Variants in ELAPOR2 observed in about 807,000 individuals in gnomAD.
The protein encoded by ELAPOR2 is endosome/lysosome-associated apoptosis and autophagy regulator family member 2.
In ELAPOR2, 89 loss-of-function variants were observed where a neutral mutation model predicts 120.7. The ratio of observed to expected loss-of-function variants is 0.74; its 90% CI spans 0.62 to 0.88. The LOEUF (loss-of-function observed/expected upper bound fraction) is 0.88, where lower values mean the gene tolerates loss of function less well. Ranked by LOEUF, ELAPOR2 falls within the 40% of genes least tolerant of loss-of-function variation. The pLI, the probability that ELAPOR2 is intolerant of heterozygous loss-of-function variation, is 0.00. For synonymous variants in ELAPOR2, 444 were observed against 444.9 expected (o/e 1.00, Z 0.03); for missense variants, 1,134 against 1,251.6 (o/e 0.91, Z 1.42).
chr7:86,918,387 T>C, intron 12 of ELAPOR2, 55 bp downstream of exon 12: 1 of 927,690 alleles, frequency 1.1e-6, no homozygotes, highest in Non-Finnish European at 1.7e-6. Flanking sequence ...AATTTACACT[T>C]GAAGGAGAAT....
At chr7:86,881,598 C>T (rs190610584) in intron 21 of ELAPOR2, among the ~76,000 whole-genome samples, 6 of 152,092 alleles carry the variant, frequency 3.9e-5, no homozygotes, top group African/African-American at 7.2e-5. Context: ...CCTCGTGATC[C>T]GCCCACCTCG....
At chr7:86,892,802 A>T in intron 20 of ELAPOR2, 120 bp downstream of exon 20, 1 of 883,172 alleles carries the variant, frequency 1.1e-6, no homozygotes, top group East Asian at 3.2e-5. Context: ...ATTTCTTCGC[A>T]AGGAGAAAAT....
In ELAPOR2 at chr7:86,964,953, A is replaced by G. The variant is rs1221758953; in HGVS notation, c.261T>C (p.Ser87=). 3.2e-6 allele frequency: 5 copies of G among 1,551,494 alleles called. No homozygotes were observed. In the East Asian group the frequency reaches 1.2e-4, roughly 38 times the overall value. Residue 87 remains serine (S), a synonymous_variant, in exon 2 of 22, where the codon TCT becomes TCC. Transcript: ENST00000450689. ...CAGGCAGGCCAGAGCAGTCCACTGCAGAATTTGGAATGGCAACTCTCCACC... is the reference window on the plus strand; with the variant it reads ...CAGGCAGGCCAGAGCAGTCCACTGCGGAATTTGGAATGGCAACTCTCCACC... ...GSRWRVAIPN[S]AVDCSGLPDP... is the part of the protein sequence containing the mutation.
intron 2 of ELAPOR2, among the ~76,000 whole-genome samples, chr7:86,950,232 C>G (rs1355563947): frequency 6.6e-6 from 1 of 152,238 alleles, no homozygotes; most frequent in Non-Finnish European, 1.5e-5. Flanking sequence ...TCCTCTTCAC[C>G]TTGCTCACCC....
At position 87,052,870 on chromosome 7, in the gene ELAPOR2, C is replaced by A. The variant is rs150816317; in HGVS notation, c.189+6455G>T. Among the ~76,000 whole-genome samples the A allele has an allele frequency of 1.6e-3, 248 of 152,178 alleles. 2 individuals are homozygous for A. The highest frequency in any genetic ancestry group is 5.8e-3 in the African/African-American group (241 of 41,522). ...GGAGTGCAGTGGCACAATCACAGCT[C>A]CCTGCAGCCTCAACCTCCCAGGTTC... On this transcript the variant is annotated intron_variant, in intron 1 of 21. Coordinates refer to ENST00000450689, the MANE Select transcript of ELAPOR2 (RefSeq NM_001142749.3).
chr7:87,008,331 C>T (rs562618911), intron 1 of ELAPOR2, among the ~76,000 whole-genome samples: 1 of 152,180 alleles, frequency 6.6e-6, no homozygotes, highest in South Asian at 2.1e-4. Flanking sequence ...AAGAACTATT[C>T]CAGACTAAAG....
At chr7:86,924,341 TAA>T (rs1789960831) in intron 10 of ELAPOR2, among the ~76,000 whole-genome samples, 1 of 150,912 alleles carries the variant, frequency 6.6e-6, no homozygotes, top group Admixed American at 6.6e-5. Context: ...AAGATCCAAT[TAA>T]AGTTTCAGGT....
At chr7:87,039,691 T>C (rs1584029887) in intron 1 of ELAPOR2, among the ~76,000 whole-genome samples, 1 of 152,282 alleles carries the variant, frequency 6.6e-6, no homozygotes, top group East Asian at 1.9e-4. Context: ...AAAAAGCATT[T>C]AATAAATTTC....
At chr7:86,886,498 T>C (rs1243102032) in intron 21 of ELAPOR2, among the ~76,000 whole-genome samples, 3 of 152,134 alleles carry the variant, frequency 2.0e-5, no homozygotes, top group African/African-American at 7.2e-5. Context: ...GAGGTACCCT[T>C]TGAGGTTTTA....
chr7:86,940,112 T>G lies in ELAPOR2; in HGVS notation c.745A>C (p.Met249Leu), dbSNP rs1790743364. 1 of 1,606,662 alleles carries G rather than the reference T, an allele frequency of 6.2e-7. No homozygotes were observed. The highest frequency in any genetic ancestry group is 2.2e-5 in the East Asian group (1 of 44,756). The part of the protein sequence containing the change: ...DNGEWGSHSV[M>L]LKSGTNILYW... ...AGTATGTTTGTGCCTGATTTCAGCA[T>G]TACCTATAAAGAGAAACATAAAGGC... Residue 249 changes from methionine (M) to leucine (L), a missense_variant, in exon 6 of 22, where the codon ATG (methionine) becomes CTG (leucine). Around this residue, in one of 3 missense-constraint regions of ELAPOR2, gnomAD observed 280 missense variants for 331.5 expected, o/e 0.84. Transcript: ENST00000450689.
chr7:87,021,997 T>C (rs561455320), intron 1 of ELAPOR2, among the ~76,000 whole-genome samples: 6 of 152,288 alleles, frequency 3.9e-5, no homozygotes, highest in African/African-American at 1.4e-4. Context: ...CTGTGGAATA[T>C]GATCATTTTC....
At position 87,013,294 on chromosome 7, in the gene ELAPOR2, C is replaced by T. The variant is rs995953771; in HGVS notation, c.189+46031G>A. Among the ~76,000 whole-genome samples the T allele has an allele frequency of 2.0e-5, 3 of 151,900 alleles. No individual in the cohort carries two copies. In the South Asian group the frequency reaches 6.2e-4, roughly 32 times the overall value. Reference sequence around the variant, plus strand: ...ACTATAAATCATCTCATACATACATCGGGGTAAAAAATGTTAACAAATACC... The same window carrying T: ...ACTATAAATCATCTCATACATACATTGGGGTAAAAAATGTTAACAAATACC... On this transcript the variant is annotated intron_variant, in intron 1 of 21. Coordinates refer to ENST00000450689, the MANE Select transcript of ELAPOR2 (RefSeq NM_001142749.3).
At chr7:86,906,751 G>T (rs1220944162) in intron 18 of ELAPOR2, among the ~76,000 whole-genome samples, 1 of 152,084 alleles carries the variant, frequency 6.6e-6, no homozygotes, top group Non-Finnish European at 1.5e-5. Context: ...TAATCTGGCT[G>T]GGTGCAATGG....
intron 1 of ELAPOR2, among the ~76,000 whole-genome samples, chr7:87,024,270 T>C (rs1256539169): frequency 2.6e-5 from 4 of 152,212 alleles, no homozygotes; most frequent in Non-Finnish European, 5.9e-5. Context: ...GTTTTTAGCA[T>C]GAAGCGTTGT....
intron 2 of ELAPOR2, among the ~76,000 whole-genome samples, chr7:86,964,042 C>T (rs1791815821): frequency 1.3e-5 from 2 of 152,174 alleles, no homozygotes; most frequent in Admixed American, 1.3e-4. Context: ...CAGAGGAATG[C>T]TCTCTATGAA....
chr7:86,958,375 G>T (rs1791561704), intron 2 of ELAPOR2, among the ~76,000 whole-genome samples: 1 of 152,070 alleles, frequency 6.6e-6, no homozygotes, highest in Admixed American at 6.5e-5. Context: ...AGTAAAGATT[G>T]GCTATTATTT....
chr7:87,018,150 C>T (rs777742614), intron 1 of ELAPOR2, among the ~76,000 whole-genome samples: 4 of 152,050 alleles, frequency 2.6e-5, no homozygotes, highest in Admixed American at 6.5e-5. Flanking sequence ...AAACGATTCT[C>T]CTGCCTCAGC....
chr7:86,909,977 T>C lies in ELAPOR2; in HGVS notation c.2194A>G (p.Asn732Asp). The change falls in exon 16 of 22, where the codon AAC (asparagine) becomes GAC (aspartate). Residue 732 changes from asparagine (N) to aspartate (D), a missense_variant. By Grantham distance (23) the Asn-to-Asp change is conservative. Around this residue, in one of 3 missense-constraint regions of ELAPOR2, gnomAD observed 831 missense variants for 867.6 expected, o/e 0.96. Coordinates refer to ENST00000450689, the MANE Select transcript of ELAPOR2 (RefSeq NM_001142749.3). ...TTTACTGTAAAGTCTGTTATATTGT[T>C]GGTACAGAGAGCCATCTTCTTCCCC... ...HEGKKMALCT[N>D]NITDFTVKEI... The C allele has an allele frequency of 6.2e-7, 1 of 1,611,580 alleles. No homozygotes were observed. The highest frequency in any genetic ancestry group is 1.3e-5 in the African/African-American group (1 of 74,872).
chr7:86,950,555 T>C (rs1244181531), intron 2 of ELAPOR2, among the ~76,000 whole-genome samples: 1 of 152,194 alleles, frequency 6.6e-6, no homozygotes, highest in Admixed American at 6.5e-5. Context: ...TGTGGCATGC[T>C]TGGTTCAGCT....
Sources: allele counts gnomAD v4.1 joint callset (sites outside exome capture counted in the v4.1 genomes callset), GRCh38; gene constraint gnomAD v4.1.1; regional missense constraint gnomAD v4.1.1; transcripts MANE v1.5; gene names NCBI Gene and HGNC (gene_info 2026-07-23, HGNC 2026-07-21).